Variants in SOX5 observed in about 807,000 individuals in gnomAD.
SOX5 encodes transcription factor SOX-5.
Under a neutral mutation model 92.0 loss-of-function variants are expected in SOX5, and 9 were observed. The ratio of observed to expected loss-of-function variants is 0.10; its 90% CI spans 0.06 to 0.17. The LOEUF is 0.17. Among genes scored for constraint, SOX5 ranks in the 10% least tolerant of loss-of-function variants. SOX5 has a pLI of 1.00. For missense variants in SOX5, 642 were observed against 944.5 expected (o/e 0.68, Z 4.20); for synonymous variants, 344 against 336.3 (o/e 1.02, Z -0.25).
At chr12:23,746,700 T>A (rs1410042347) in intron 4 of SOX5, among the ~76,000 whole-genome samples, 1 of 152,018 alleles carries the variant, frequency 6.6e-6, no homozygotes, top group Non-Finnish European at 1.5e-5. Context: ...TGAGACAAAG[T>A]CATGAGGGAA....
At chr12:24,143,086 T>G (rs1354669154) in intron 4 of SOX5, among the ~76,000 whole-genome samples, 3 of 152,130 alleles carry the variant, frequency 2.0e-5, no homozygotes, top group Non-Finnish European at 4.4e-5. Context: ...GTTAGAGAAT[T>G]CAAAAGTGTC....
chr12:24,424,697 T>C (rs1014353686), intron 1 of SOX5, among the ~76,000 whole-genome samples: 1 of 152,120 alleles, frequency 6.6e-6, no homozygotes, highest in Non-Finnish European at 1.5e-5. Context: ...CCACAAAAGA[T>C]GCTTCCATAA....
At chr12:24,327,564 T>G (rs924706769) in intron 2 of SOX5, among the ~76,000 whole-genome samples, 1 of 151,652 alleles carries the variant, frequency 6.6e-6, no homozygotes, top group Non-Finnish European at 1.5e-5. Flanking sequence ...TACAGGCATG[T>G]GCCACCATGC....
intron 4 of SOX5, among the ~76,000 whole-genome samples, chr12:24,118,018 CAAAAAA>C (rs964710930): frequency 9.6e-5 from 4 of 41,822 alleles, no homozygotes; most frequent in Middle Eastern, 0.013. Flanking sequence ...GACTCTCATT[CAAAAAA>C]AAAAAAAAAA....
At chr12:24,185,634 C>T (rs957372468) in intron 4 of SOX5, among the ~76,000 whole-genome samples, 2 of 152,092 alleles carry the variant, frequency 1.3e-5, no homozygotes, top group Non-Finnish European at 2.9e-5. Context: ...TACTTACTAC[C>T]TGTGTGTCCT....
At chr12:24,071,495 C>A (rs980696189) in intron 4 of SOX5, among the ~76,000 whole-genome samples, 1 of 152,100 alleles carries the variant, frequency 6.6e-6, no homozygotes, top group Non-Finnish European at 1.5e-5. Flanking sequence ...AGTGCAGTGG[C>A]GCGATCTCGG....
intron 1 of SOX5, among the ~76,000 whole-genome samples, chr12:24,372,491 C>G (rs1401820729): frequency 6.6e-6 from 1 of 152,186 alleles, no homozygotes. Context: ...ACATAGTATT[C>G]TATGGTGTCT....
intron 4 of SOX5, among the ~76,000 whole-genome samples, chr12:24,117,773 C>G (rs1485412827): frequency 6.6e-6 from 1 of 151,886 alleles, no homozygotes; most frequent in Non-Finnish European, 1.5e-5. Context: ...AAGTCAATCT[C>G]CTTTGGGAGG....
intron 3 of SOX5, among the ~76,000 whole-genome samples, chr12:23,842,036 CTG>C (rs2096524992): frequency 1.3e-5 from 2 of 152,012 alleles, no homozygotes; most frequent in African/African-American, 4.8e-5. Context: ...ACTAGTTTAA[CTG>C]TGTTAAAAAT....
intron 1 of SOX5, among the ~76,000 whole-genome samples, chr12:24,504,640 TATAA>T (rs1407865956): frequency 2.6e-5 from 4 of 152,216 alleles, no homozygotes; most frequent in Admixed American, 6.5e-5. Flanking sequence ...TAGAGAACTA[TATAA>T]ATAAATTGTA....
Position 23,849,589 on chromosome 12 carries a change from T to C in SOX5, c.271-3396A>G, listed in dbSNP as rs11047128. On this transcript the variant is annotated intron_variant, in intron 2 of 14. Transcript: ENST00000451604. ...TACCTCTTTCATCTATGTCTGTATC[T>C]ACCAATGTTAAGGGTGAACAAGACA... 1.7e-3 allele frequency among the ~76,000 whole-genome samples: 256 copies of C among 152,304 alleles called. 2 individuals carry two copies. The highest frequency in any genetic ancestry group is 3.0e-3 in the Non-Finnish European group (205 of 68,024).
chr12:24,336,882 T>A (rs1288372557), intron 2 of SOX5, among the ~76,000 whole-genome samples: 7 of 152,196 alleles, frequency 4.6e-5, no homozygotes, highest in Admixed American at 4.6e-4. Context: ...GCCCAGTTAT[T>A]TCATAGTCAA....
At chr12:23,909,880 T>G (rs1363092590) in intron 1 of SOX5, among the ~76,000 whole-genome samples, 1 of 151,874 alleles carries the variant, frequency 6.6e-6, no homozygotes, top group African/African-American at 2.4e-5. Flanking sequence ...CCCCGACAAC[T>G]GAAAGACCTT....
intron 11 of SOX5, among the ~76,000 whole-genome samples, chr12:23,553,555 C>T (rs1186617001): frequency 6.6e-6 from 1 of 151,884 alleles, no homozygotes; most frequent in East Asian, 1.9e-4. Context: ...GGGAAAAAAA[C>T]AAAACCTGGG....
At chr12:24,562,158 C>T (rs1954432363) in intron 1 of SOX5, among the ~76,000 whole-genome samples, 2 of 152,166 alleles carry the variant, frequency 1.3e-5, no homozygotes, top group Admixed American at 1.3e-4. Flanking sequence ...TCCCTCTGTA[C>T]TTGAGGAAAC....
At chr12:23,626,865 T>C (rs2077888535) in intron 8 of SOX5, among the ~76,000 whole-genome samples, 1 of 152,080 alleles carries the variant, frequency 6.6e-6, no homozygotes, top group Non-Finnish European at 1.5e-5. Context: ...GTTGCAGTTT[T>C]TTTGTGTGTG....
chr12:24,254,630 T>C (rs1389392639), intron 3 of SOX5, among the ~76,000 whole-genome samples: 1 of 151,994 alleles, frequency 6.6e-6, no homozygotes, highest in African/African-American at 2.4e-5. Context: ...ATTGAATATG[T>C]ATCACTTGGG....
At chr12:24,348,937 C>A (rs1027793712) in intron 2 of SOX5, among the ~76,000 whole-genome samples, 10 of 152,210 alleles carry the variant, frequency 6.6e-5, no homozygotes, top group African/African-American at 2.2e-4. Flanking sequence ...CTTCACCTTC[C>A]ACCATGACTG....
intron 2 of SOX5, among the ~76,000 whole-genome samples, chr12:24,306,831 G>A (rs564191571): frequency 7.2e-5 from 11 of 152,236 alleles, no homozygotes; most frequent in East Asian, 5.8e-4. Context: ...CCAAATCCCA[G>A]CTTGAGTGCC....
Sources: allele counts gnomAD v4.1 joint callset (sites outside exome capture counted in the v4.1 genomes callset), GRCh38; gene constraint gnomAD v4.1.1; transcripts MANE v1.5; gene names NCBI Gene and HGNC (gene_info 2026-07-23, HGNC 2026-07-21).